ZNF644: variants seen among roughly 807,000 people sequenced by gnomAD.
ZNF644 encodes the protein zinc finger motif enhancer binding protein 2.
A neutral mutation model predicts 108.0 loss-of-function variants in ZNF644; 20 were observed. The ratio of observed to expected loss-of-function variants is 0.19; its 90% CI spans 0.13 to 0.27. The LOEUF (loss-of-function observed/expected upper bound fraction) is 0.27. ZNF644 is among the 10% of genes least tolerant of loss of function. The pLI is 1.00. For missense variants in ZNF644, 1,338 were observed against 1,548.9 expected, an observed-to-expected ratio of 0.86 and a Z score of 2.29; for synonymous variants, 542 against 539.1, an observed-to-expected ratio of 1.01 and a Z score of -0.08.
At chr1:90,988,665 C>T (rs1384952754) in intron 1 of ZNF644, among the ~76,000 whole-genome samples, 1 of 152,118 alleles carries the variant, frequency 6.6e-6, no homozygotes, top group Non-Finnish European at 1.5e-5. Flanking sequence ...ATCAAGACAA[C>T]AATGGTGCCA....
intron 4 of ZNF644, among the ~76,000 whole-genome samples, chr1:90,928,657 A>T (rs1444115241): frequency 1.3e-5 from 2 of 151,802 alleles, no homozygotes; most frequent in Non-Finnish European, 2.9e-5. Context: ...ATGACTTCCT[A>T]ATTTTTTTTA....
rs933498772 is a variant in ZNF644 at position 90,917,882 on chromosome 1, C to T, written c.3791+170G>A. On this transcript the variant is annotated intron_variant, in intron 5 of 5. Coordinates refer to ENST00000337393, the MANE Select transcript of ZNF644 (RefSeq NM_201269.3). ...ACTTGATTCATTAGTTGTTGAAGTA[C>T]GGATATTGTGAGCTGAATTAAGATT... Among the ~76,000 whole-genome samples, 23 of 152,162 alleles carry T rather than the reference C, an allele frequency of 1.5e-4. 1 individual carries two copies. The highest frequency in any genetic ancestry group is 4.8e-4 in the African/African-American group (20 of 41,428).
rs1364575707 is a variant in ZNF644 at position 90,982,496 on chromosome 1, A to T, written c.-17-126T>A. The T allele has an allele frequency of 4.5e-6, 3 of 667,572 alleles. No homozygotes were observed. In the African/African-American group the frequency reaches 5.4e-5, roughly 12 times the overall value. The allele number at this position is 667,572 out of a possible 1,614,324, so 41.4% of individuals were successfully genotyped here. On this transcript the variant is annotated intron_variant, in intron 1 of 5. Transcript: ENST00000337393. The stretch of plus-strand genomic sequence containing the variant: ...CAAATTATATTTCTTGATATAACAT[A>T]AAAAAACCATTCAACCAGAATACCA...
intron 2 of ZNF644, among the ~76,000 whole-genome samples, chr1:90,976,659 A>T (rs1656039288): frequency 6.6e-6 from 1 of 152,204 alleles, no homozygotes; most frequent in South Asian, 2.1e-4. Context: ...AACTACTGAC[A>T]GCTCAACTTC....
chr1:91,014,576 C>T (rs948117782), intron 1 of ZNF644, among the ~76,000 whole-genome samples: 4 of 152,118 alleles, frequency 2.6e-5, no homozygotes, highest in Admixed American at 6.5e-5. Context: ...CAATCCAAAT[C>T]CCATAAAGTA....
At chr1:91,009,406 C>T (rs1020781315) in intron 1 of ZNF644, among the ~76,000 whole-genome samples, 1 of 151,808 alleles carries the variant, frequency 6.6e-6, no homozygotes, top group Non-Finnish European at 1.5e-5. Flanking sequence ...TGACCTTTAC[C>T]CATAATAAAC....
Position 90,938,071 on chromosome 1 carries a change from G to A in ZNF644, c.3102C>T (p.Thr1034=). The A allele has an allele frequency of 6.2e-7, 1 of 1,610,658 alleles. No individual in the cohort carries two copies. Residue 1034 remains threonine, a synonymous_variant, in exon 4 of 6, where the codon ACC becomes ACT. Coordinates refer to ENST00000337393, the MANE Select transcript of ZNF644 (RefSeq NM_201269.3). The surrounding 1 kb of genome is among the most constrained non-coding windows in gnomAD (Gnocchi z 4.2). ...AGAGCTGACAAGTGTGTTCAGAAGTGGTTTCAGACTTCTCTATAGCTAGAA... is the reference window on the plus strand; with the variant it reads ...AGAGCTGACAAGTGTGTTCAGAAGTAGTTTCAGACTTCTCTATAGCTAGAA... ...RVRKAIEKSE[T]TSEHTCQLCG...
chr1:90,966,207 G>A (rs1205898337), intron 2 of ZNF644, among the ~76,000 whole-genome samples: 1 of 151,918 alleles, frequency 6.6e-6, no homozygotes, highest in South Asian at 2.1e-4. Flanking sequence ...TTAGTTCTTC[G>A]TAGACCATCC....
At chr1:90,930,928 A>AT (rs1323933843) in intron 4 of ZNF644, among the ~76,000 whole-genome samples, 9 of 152,156 alleles carry the variant, frequency 5.9e-5, no homozygotes, top group Non-Finnish European at 1.3e-4. Context: ...ATTCACTCTT[A>AT]TTTTGACCTC....
intron 1 of ZNF644, among the ~76,000 whole-genome samples, chr1:90,994,058 G>A (rs1443081341): frequency 6.6e-6 from 1 of 152,182 alleles, no homozygotes; most frequent in Non-Finnish European, 1.5e-5. Flanking sequence ...ACAGTAATTT[G>A]TTCATGGATG....
At chr1:90,959,175 T>C (rs1038372524) in intron 2 of ZNF644, among the ~76,000 whole-genome samples, 1 of 152,184 alleles carries the variant, frequency 6.6e-6, no homozygotes, top group Non-Finnish European at 1.5e-5. Flanking sequence ...ATCGTGGTCA[T>C]TAAAGAAATG....
chr1:91,001,028 T>C (rs1450448164), intron 1 of ZNF644, among the ~76,000 whole-genome samples: 1 of 152,116 alleles, frequency 6.6e-6, no homozygotes, highest in African/African-American at 2.4e-5. Context: ...GACTCTGAAA[T>C]TGAGGCAATA....
intron 1 of ZNF644, among the ~76,000 whole-genome samples, chr1:91,007,375 T>C (rs1659560518): frequency 6.6e-6 from 1 of 151,746 alleles, no homozygotes; most frequent in Non-Finnish European, 1.5e-5. Context: ...CAACATGCCC[T>C]GCTAATTTCT....
intron 1 of ZNF644, among the ~76,000 whole-genome samples, chr1:91,018,861 C>G (rs1225370069): frequency 6.6e-6 from 1 of 152,196 alleles, no homozygotes; most frequent in Non-Finnish European, 1.5e-5. Flanking sequence ...CCAAAACACT[C>G]TTATAACTTG....
rs1327573921 is a variant in ZNF644, at chr1:90,939,291, C to T, written c.2063G>A (p.Arg688Gln). ...HKRPHRIQKA[R>Q]KSIAQSGVNM... Reference sequence around the variant, plus strand: ...TACACCTGATTGGGCAATGCTTTTCCGAGCTTTCTGTATTCTGTGTGGCCG... The same window carrying T: ...TACACCTGATTGGGCAATGCTTTTCTGAGCTTTCTGTATTCTGTGTGGCCG... The change falls in exon 3 of 6, where the codon CGG becomes CAG. Residue 688 changes from arginine to glutamine, a missense_variant. Physicochemically the swap from Arg to Gln is conservative, Grantham distance 43 (BLOSUM62 1). Around this residue, in one of 6 missense-constraint regions of ZNF644, gnomAD observed 462 missense variants for 472.6 expected, o/e 0.98. Transcript: ENST00000337393. The T allele has an allele frequency of 3.1e-6, 5 of 1,613,988 alleles. No individual in the cohort carries two copies. Among genetic ancestry groups the T allele is most frequent in the Non-Finnish European group, 4.2e-6 (5 of 1,179,932 alleles).
rs750930610 is a variant in ZNF644, at chr1:90,941,020, T to C, written c.334A>G (p.Lys112Glu). 19 of 1,613,964 alleles carry C rather than the reference T, an allele frequency of 1.2e-5. No individual in the cohort carries two copies. The highest frequency in any genetic ancestry group is 1.4e-5 in the Non-Finnish European group (17 of 1,179,966). The change falls in exon 3 of 6, where the codon AAA becomes GAA. Residue 112 changes from lysine to glutamate, a missense_variant. Lys to Glu is a moderately conservative substitution (Grantham distance 56, BLOSUM62 1). Coordinates refer to ENST00000337393, the MANE Select transcript of ZNF644 (RefSeq NM_201269.3). The part of the protein sequence containing the change: ...TVSSENFILP[K>E]GAAVNGPVSH... ...ACTGGTCCATTAACAGCAGCTCCTTTAGGCAAGATAAAGTTTTCACTAGAA... is the reference window on the plus strand; with the variant it reads ...ACTGGTCCATTAACAGCAGCTCCTTCAGGCAAGATAAAGTTTTCACTAGAA...
At chr1:90,974,442 T>C (rs905498284) in intron 2 of ZNF644, among the ~76,000 whole-genome samples, 13 of 152,358 alleles carry the variant, frequency 8.5e-5, no homozygotes, top group Middle Eastern at 6.8e-3. Flanking sequence ...TCAGAAGTCC[T>C]GAGCTACTTA....
intron 1 of ZNF644, among the ~76,000 whole-genome samples, chr1:90,985,152 GA>G (rs1188122656): frequency 6.6e-6 from 1 of 152,158 alleles, no homozygotes; most frequent in East Asian, 1.9e-4. Flanking sequence ...GCACATTTTA[GA>G]CACTTTATTT....
At chr1:90,954,141 A>C (rs1245228432) in intron 2 of ZNF644, among the ~76,000 whole-genome samples, 1 of 152,088 alleles carries the variant, frequency 6.6e-6, no homozygotes, top group Non-Finnish European at 1.5e-5. Flanking sequence ...CCTTTCATGA[A>C]AGATTTCTCT....
Sources: gnomAD v4.1 joint callset for allele counts (sites outside exome capture counted in the v4.1 genomes callset) on GRCh38, gnomAD v4.1.1 for gene constraint, gnomAD v4.1.1 regional missense constraint, Gnocchi (gnomAD v3.1) non-coding constraint, MANE v1.5 for transcripts, NCBI Gene and HGNC (gene_info 2026-07-23, HGNC 2026-07-21) for gene names.